Variants in R3HDM1 observed in about 807,000 individuals in gnomAD.
R3HDM1 encodes R3H domain-containing protein 1.
A neutral mutation model predicts 141.1 loss-of-function variants in R3HDM1; 46 were observed. That is an observed-to-expected ratio of 0.33 (90% CI 0.26 to 0.42). The LOEUF is 0.42. Ranked by LOEUF, R3HDM1 falls within the 10% of genes least tolerant of loss-of-function variation. R3HDM1 has a pLI of 1.00. For synonymous variants in R3HDM1, 435 were observed against 472.9 expected, an observed-to-expected ratio of 0.92 and a Z score of 1.04; for missense variants, 1,184 against 1,368.3, an observed-to-expected ratio of 0.87 and a Z score of 2.12.
chr2:135,651,422 A>ATG (rs1488952526), intron 17 of R3HDM1: 27 of 977,816 alleles, frequency 2.8e-5, no homozygotes, highest in Admixed American at 2.5e-4. Flanking sequence ...CTACATTCTA[A>ATG]TGTTGCTTTC....
chr2:135,599,083 A>T (rs1203067053), intron 1 of R3HDM1, among the ~76,000 whole-genome samples: 2 of 152,126 alleles, frequency 1.3e-5, no homozygotes, highest in African/African-American at 4.8e-5. Flanking sequence ...TTGTGCATTC[A>T]TAGTTTTACT....
intron 1 of R3HDM1, among the ~76,000 whole-genome samples, chr2:135,580,119 A>G (rs1574033744): frequency 1.3e-5 from 2 of 152,168 alleles, no homozygotes; most frequent in African/African-American, 4.8e-5. Context: ...GCATGGTGGC[A>G]TGCACCCTTT....
At chr2:135,538,067 C>G (rs1696619558) in intron 1 of R3HDM1, among the ~76,000 whole-genome samples, 2 of 152,130 alleles carry the variant, frequency 1.3e-5, no homozygotes, top group East Asian at 3.8e-4. Flanking sequence ...GTGCCAACAT[C>G]ATGGAGTGTG....
At chr2:135,679,082 T>C (rs968518475) in intron 20 of R3HDM1, among the ~76,000 whole-genome samples, 105 of 147,996 alleles carry the variant, frequency 7.1e-4, no homozygotes, top group South Asian at 2.1e-3. Flanking sequence ...TTTTTTTTTT[T>C]TTTTTTTTTT....
chr2:135,633,393 G>A (rs1020692994), intron 9 of R3HDM1, among the ~76,000 whole-genome samples: 5 of 152,120 alleles, frequency 3.3e-5, no homozygotes, highest in Non-Finnish European at 7.4e-5. Flanking sequence ...ATTTTGACTG[G>A]TGACTCTCTA....
chr2:135,634,550 A>G (rs1233161314), intron 9 of R3HDM1, among the ~76,000 whole-genome samples: 1 of 152,160 alleles, frequency 6.6e-6, no homozygotes, highest in African/African-American at 2.4e-5. Context: ...AGGCTGAGAC[A>G]GGAGAATCGC....
chr2:135,698,788 G>A (rs992465301), intron 21 of R3HDM1, among the ~76,000 whole-genome samples: 6 of 151,936 alleles, frequency 3.9e-5, no homozygotes, highest in Admixed American at 1.3e-4. Context: ...AAGAGTGGGG[G>A]GAGCACCACA....
chr2:135,634,030 G>A (rs922152739), intron 9 of R3HDM1, among the ~76,000 whole-genome samples: 3 of 152,114 alleles, frequency 2.0e-5, no homozygotes, highest in Non-Finnish European at 4.4e-5. Context: ...AGTCAATGGG[G>A]CAATCATGTG....
chr2:135,565,326 AT>A (rs1559133164), intron 1 of R3HDM1, among the ~76,000 whole-genome samples: 11 of 88,212 alleles, frequency 1.2e-4, no homozygotes, highest in South Asian at 8.5e-4. Flanking sequence ...AAAAAAAATT[AT>A]TATTATTATT....
intron 1 of R3HDM1, chr2:135,584,422 T>G: frequency 1.1e-6 from 1 of 934,810 alleles, no homozygotes; most frequent in Non-Finnish European, 1.3e-6. Flanking sequence ...TAAGCACAGT[T>G]CCACAACATC....
At chr2:135,551,250 C>T (rs1374447032) in intron 1 of R3HDM1, among the ~76,000 whole-genome samples, 1 of 152,142 alleles carries the variant, frequency 6.6e-6, no homozygotes, top group East Asian at 1.9e-4. Flanking sequence ...TTTGTTTTTC[C>T]TCATAGAAAA....
At position 135,724,779 on chromosome 2, in the gene R3HDM1, G is replaced by A. The variant is rs1213330970; in HGVS notation, c.*487G>A. ...TTGGGGGTTAGGGATGCTAAGAAGA[G>A]CCCACAAATAGAGGATTACTCTTCC... On this transcript the variant is annotated 3_prime_UTR_variant, in exon 27 of 27. Transcript: ENST00000683871. 7 of 152,780 alleles carry A rather than the reference G, an allele frequency of 4.6e-5. No homozygotes were observed. The highest frequency in any genetic ancestry group is 1.0e-4 in the Non-Finnish European group (7 of 68,236). 9.5% of individuals were successfully genotyped at this position (152,780 alleles called of 1,614,324 possible). A position where few individuals can be genotyped will look rare whatever the true frequency, so the allele number is the denominator to read the frequency against.
intron 3 of R3HDM1, chr2:135,608,033 G>A (rs982931158): frequency 4.8e-5 from 46 of 950,180 alleles, no homozygotes; most frequent in Non-Finnish European, 5.5e-5. Context: ...TTTACTATAT[G>A]GGCCGGGCGC....
intron 11 of R3HDM1, among the ~76,000 whole-genome samples, chr2:135,637,472 A>T (rs548875026): frequency 1.3e-5 from 2 of 152,188 alleles, no homozygotes; most frequent in Non-Finnish European, 2.9e-5. Context: ...CCTGAGCAAC[A>T]TGGCAAAACC....
At chr2:135,698,602 A>G (rs181991889) in intron 21 of R3HDM1, among the ~76,000 whole-genome samples, 2 of 152,324 alleles carry the variant, frequency 1.3e-5, no homozygotes, top group African/African-American at 2.4e-5. Context: ...TCGCATTGCT[A>G]TAAAGAAATG....
At chr2:135,707,572 G>T (rs567516680) in intron 21 of R3HDM1, among the ~76,000 whole-genome samples, 1 of 152,306 alleles carries the variant, frequency 6.6e-6, no homozygotes, top group East Asian at 1.9e-4. Flanking sequence ...TGACCGACCT[G>T]AGTATTCCCT....
rs71400533 is a variant in R3HDM1 at position 135,698,980 on chromosome 2, C to CAGATAGAT, written c.2460-10395_2460-10388dup. Among the ~76,000 whole-genome samples the CAGATAGAT allele has an allele frequency of 2.9e-3, 224 of 78,180 alleles. 2 individuals carry two copies. Among genetic ancestry groups the CAGATAGAT allele is most frequent in the African/African-American group, 8.7e-3 (181 of 20,706 alleles). 51.3% of individuals were successfully genotyped at this position (78,180 alleles called of 152,430 possible). A position where few individuals can be genotyped will look rare whatever the true frequency, so the allele number is the denominator to read the frequency against. ...ACACACATCCAAACAATATTACACT[C>CAGATAGAT]AGATAGATAGATAGATAGATAGATA... On this transcript the variant is annotated intron_variant, in intron 21 of 26. Coordinates refer to ENST00000683871, the MANE Select transcript of R3HDM1 (RefSeq NM_001378107.1).
chr2:135,680,302 C>T lies in R3HDM1; in HGVS notation c.2437C>T (p.Pro813Ser). ...GCCTGTTTACTATAGTGTCATTCCA[C>T]CTGGTCAACAAAACAATTTAAGGTG... is the stretch of plus-strand genomic sequence containing the variant. ...GMPVYYSVIPPGQQNNLSSSV... is the reference protein window; with the variant it reads ...GMPVYYSVIPSGQQNNLSSSV... The change falls in exon 21 of 27, where the codon CCT (proline) becomes TCT (serine). Residue 813 changes from proline (P) to serine (S), a missense_variant. Pro to Ser is a moderately conservative substitution (Grantham distance 74). This residue lies in a region of R3HDM1 where 563 missense variants were observed against 562.0 expected (regional missense o/e 1.00). Coordinates refer to ENST00000683871, the MANE Select transcript of R3HDM1 (RefSeq NM_001378107.1). 1 of 1,613,994 alleles carries T rather than the reference C, an allele frequency of 6.2e-7. No individual in the cohort carries two copies. Among genetic ancestry groups the T allele is most frequent in the Non-Finnish European group, 8.5e-7 (1 of 1,179,942 alleles).
At chr2:135,720,809 T>C (rs956875336) in intron 24 of R3HDM1, among the ~76,000 whole-genome samples, 6 of 152,244 alleles carry the variant, frequency 3.9e-5, no homozygotes, top group African/African-American at 1.4e-4. Context: ...GCATATATTA[T>C]ATGCATAAAT....
Sources: allele counts gnomAD v4.1 joint callset (sites outside exome capture counted in the v4.1 genomes callset), GRCh38; gene constraint gnomAD v4.1.1; regional missense constraint gnomAD v4.1.1; transcripts MANE v1.5; gene names NCBI Gene and HGNC (gene_info 2026-07-23, HGNC 2026-07-21).